Variants in COL15A1 observed in about 807,000 individuals in gnomAD.
The protein encoded by COL15A1 is collagen type XV alpha 1 chain, also known as collagen alpha-1(XV) chain.
A neutral mutation model predicts 165.9 loss-of-function variants in COL15A1; 111 were observed. The ratio of observed to expected loss-of-function variants is 0.67; its 90% CI spans 0.57 to 0.78. COL15A1 has a LOEUF of 0.78. Among genes scored for constraint, COL15A1 ranks in the 30% least tolerant of loss-of-function variants. The pLI, the probability that COL15A1 is intolerant of heterozygous loss-of-function variation, is 0.00. For missense variants in COL15A1, 1,745 were observed against 1,789.7 expected, an observed-to-expected ratio of 0.98 and a Z score of 0.45; for synonymous variants, 659 against 674.8, an observed-to-expected ratio of 0.98 and a Z score of 0.36.
At chr9:99,003,728 C>T in intron 8 of COL15A1, 141 bp downstream of exon 8, 1 of 919,576 alleles carries the variant, frequency 1.1e-6, no homozygotes, top group Non-Finnish European at 1.5e-6. Flanking sequence ...GGAGTAAGCA[C>T]TAAATAGCAT....
chr9:98,981,282 AC>A (rs1475949464), intron 2 of COL15A1, among the ~76,000 whole-genome samples: 1 of 152,084 alleles, frequency 6.6e-6, no homozygotes, highest in African/African-American at 2.4e-5. Flanking sequence ...ACATGGCGAA[AC>A]CCCGTCTCTA....
intron 5 of COL15A1, among the ~76,000 whole-genome samples, chr9:98,993,353 G>A (rs186411846): frequency 2.4e-4 from 37 of 152,330 alleles, no homozygotes; most frequent in Admixed American, 7.2e-4. Context: ...TCCTCTTGGG[G>A]CCTCCTGGTT....
intron 5 of COL15A1, among the ~76,000 whole-genome samples, chr9:98,991,203 G>A (rs1376833827): frequency 1.3e-5 from 2 of 152,128 alleles, no homozygotes; most frequent in Non-Finnish European, 2.9e-5. Flanking sequence ...ATGGGAAAAG[G>A]ACCTCACCAA....
chr9:99,046,466 T>G (rs1839493801), intron 26 of COL15A1, among the ~76,000 whole-genome samples: 1 of 152,240 alleles, frequency 6.6e-6, no homozygotes, highest in East Asian at 1.9e-4. Flanking sequence ...ATTCTCACGC[T>G]GCTATGAAGA....
intron 10 of COL15A1, 119 bp downstream of exon 10, chr9:99,015,685 G>A: frequency 1.0e-6 from 1 of 964,186 alleles, no homozygotes; most frequent in Non-Finnish European, 1.6e-6. Context: ...GCACATGTCT[G>A]GGTGGGCAGC....
chr9:98,964,311 C>G (rs1837919072), intron 2 of COL15A1, among the ~76,000 whole-genome samples: 1 of 151,738 alleles, frequency 6.6e-6, no homozygotes, highest in Non-Finnish European at 1.5e-5. Context: ...GGCTGTTCCT[C>G]CAGCAAACAT....
chr9:99,062,805 T>C (rs1017261064), intron 38 of COL15A1, among the ~76,000 whole-genome samples: 1 of 152,172 alleles, frequency 6.6e-6, no homozygotes, highest in African/African-American at 2.4e-5. Context: ...CATGGGTTTA[T>C]CAAAAAGAAT....
chr9:99,001,893 G>C (rs1055030890), intron 7 of COL15A1, among the ~76,000 whole-genome samples: 2 of 152,086 alleles, frequency 1.3e-5, no homozygotes, highest in Non-Finnish European at 2.9e-5. Context: ...GGGGACCTAG[G>C]ATCAAAATTC....
chr9:99,007,278 G>C (rs1213578905), intron 9 of COL15A1, among the ~76,000 whole-genome samples: 1 of 152,194 alleles, frequency 6.6e-6, no homozygotes, highest in Non-Finnish European at 1.5e-5. Flanking sequence ...AGGGAGGTAT[G>C]TACCTTTCTT....
At chr9:98,958,853 A>G (rs1451763114) in intron 2 of COL15A1, among the ~76,000 whole-genome samples, 1 of 152,162 alleles carries the variant, frequency 6.6e-6, no homozygotes, top group Non-Finnish European at 1.5e-5. Flanking sequence ...TTAGAAACTC[A>G]AAGTGAGTAT....
chr9:99,057,366 G>A (rs886137913), intron 35 of COL15A1, among the ~76,000 whole-genome samples: 4 of 152,122 alleles, frequency 2.6e-5, no homozygotes, highest in Non-Finnish European at 5.9e-5. Flanking sequence ...ATGCCTTAGG[G>A]GCGTGAGAAC....
chr9:98,961,262 T>C (rs1564011679), intron 2 of COL15A1, among the ~76,000 whole-genome samples: 1 of 152,222 alleles, frequency 6.6e-6, no homozygotes, highest in Non-Finnish European at 1.5e-5. Context: ...TAGGATCCTA[T>C]AGTCTAATGG....
intron 31 of COL15A1, 57 bp downstream of exon 31, chr9:99,052,490 G>A: frequency 1.4e-6 from 2 of 1,412,540 alleles, no homozygotes; most frequent in South Asian, 1.1e-5. Context: ...GAGGAAGATG[G>A]TTTTCCTTTG....
At chr9:99,053,521 A>G (rs1315409172) in intron 31 of COL15A1, among the ~76,000 whole-genome samples, 1 of 152,206 alleles carries the variant, frequency 6.6e-6, no homozygotes, top group African/African-American at 2.4e-5. Context: ...GACAGCTCCT[A>G]GTGAGCAATC....
intron 15 of COL15A1, 87 bp from the exon 16 acceptor site, chr9:99,025,817 C>G: frequency 6.9e-7 from 1 of 1,454,896 alleles, no homozygotes; most frequent in Non-Finnish European, 9.5e-7. Context: ...TCACCTGCCT[C>G]CCAACCCTGC....
In COL15A1 at chr9:99,024,991, G is replaced by A; in HGVS notation, c.1972G>A (p.Gly658Arg). 1 of 1,613,142 alleles carries A rather than the reference G, an allele frequency of 6.2e-7. No individual in the cohort carries two copies. The highest frequency in any genetic ancestry group is 8.5e-7 in the Non-Finnish European group (1 of 1,179,584). Residue 658 changes from glycine to arginine, a missense_variant, in exon 15 of 42, where the codon GGG becomes AGG. Gly to Arg is a moderately radical substitution (Grantham distance 125). Transcript: ENST00000375001. ...PGEDGPAGEP[G>R]PPGPEGQPGV... ...AGAGGATGGACCTGCTGGTGAACCT[G>A]GGCCCCCGGTGAGCAACTGAAGTCT... is the stretch of plus-strand genomic sequence containing the variant.
chr9:99,031,564 C>T (rs1839213786), intron 16 of COL15A1, among the ~76,000 whole-genome samples: 1 of 152,170 alleles, frequency 6.6e-6, no homozygotes, highest in Non-Finnish European at 1.5e-5. Context: ...GCGGACACGT[C>T]ATGGCCTCAT....
intron 32 of COL15A1, 143 bp from the exon 33 acceptor site, chr9:99,054,959 T>C: frequency 1.3e-6 from 1 of 788,064 alleles, no homozygotes; most frequent in South Asian, 1.6e-5. Flanking sequence ...TAGCACCTGT[T>C]TCTGCTTCCA....
At chr9:99,032,346 C>T (rs1564070621) in intron 16 of COL15A1, among the ~76,000 whole-genome samples, 1 of 152,030 alleles carries the variant, frequency 6.6e-6, no homozygotes, top group Non-Finnish European at 1.5e-5. Context: ...CACACCACCA[C>T]ACCCAGCTAA....
Sources: allele counts gnomAD v4.1 joint callset (sites outside exome capture counted in the v4.1 genomes callset), GRCh38; gene constraint gnomAD v4.1.1; transcripts MANE v1.5; gene names NCBI Gene and HGNC (gene_info 2026-07-23, HGNC 2026-07-21).